Variants in OR9Q1 observed in about 807,000 individuals in gnomAD.
The protein encoded by OR9Q1 is olfactory receptor family 9 subfamily Q member 1.
For missense variants in OR9Q1, 374 were observed against 378.8 expected (o/e 0.99, Z 0.11); for synonymous variants, 153 against 148.6 (o/e 1.03, Z -0.22).
chr11:58,113,297 A>G (rs1853920109), intron 2 of OR9Q1, among the ~76,000 whole-genome samples: 1 of 152,182 alleles, frequency 6.6e-6, no homozygotes, highest in African/African-American at 2.4e-5. Flanking sequence ...AAGTCAGAAA[A>G]CATTCCCTCC....
At chr11:58,030,793 A>G (rs1853024274) in intron 1 of OR9Q1, 1 of 619,702 alleles carries the variant, frequency 1.6e-6, no homozygotes, top group Non-Finnish European at 2.9e-6. Context: ...CATGTCCCTC[A>G]TGAACTGTGA....
chr11:58,034,917 T>A (rs61903967), intron 1 of OR9Q1, among the ~76,000 whole-genome samples: 32,535 of 150,900 alleles, frequency 0.22, 4,067 homozygotes, highest in Middle Eastern at 0.38. Flanking sequence ...AACCTCCACC[T>A]CTTGGACTTA....
chr11:58,104,792 T>A (rs1853824478), intron 2 of OR9Q1, among the ~76,000 whole-genome samples: 1 of 152,182 alleles, frequency 6.6e-6, no homozygotes, highest in Non-Finnish European at 1.5e-5. Flanking sequence ...TTGAGGAGAT[T>A]GCATGTTCCG....
intron 2 of OR9Q1, among the ~76,000 whole-genome samples, chr11:58,153,747 C>T (rs971955906): frequency 6.6e-6 from 1 of 152,162 alleles, no homozygotes; most frequent in East Asian, 1.9e-4. Flanking sequence ...GACTATATGA[C>T]CTTTCAAACT....
At chr11:58,151,649 T>C (rs997724175) in intron 2 of OR9Q1, among the ~76,000 whole-genome samples, 4 of 152,188 alleles carry the variant, frequency 2.6e-5, no homozygotes, top group Admixed American at 1.3e-4. Flanking sequence ...TGGGTAAACA[T>C]AGGTCTAGTA....
chr11:58,030,065 C>T (rs534279962), intron 1 of OR9Q1, among the ~76,000 whole-genome samples: 4 of 152,146 alleles, frequency 2.6e-5, no homozygotes, highest in Non-Finnish European at 5.9e-5. Context: ...TGATCTTGAA[C>T]ACCCAACCTC....
intron 2 of OR9Q1, among the ~76,000 whole-genome samples, chr11:58,141,292 G>A (rs962039001): frequency 6.6e-6 from 1 of 152,142 alleles, no homozygotes; most frequent in Non-Finnish European, 1.5e-5. Context: ...TCCCTGTCTT[G>A]TGCCAGTTTT....
At chr11:58,156,290 C>T (rs1199968979) in intron 2 of OR9Q1, among the ~76,000 whole-genome samples, 1 of 152,124 alleles carries the variant, frequency 6.6e-6, no homozygotes, top group Non-Finnish European at 1.5e-5. Context: ...AAATAAAAAG[C>T]ACAAGCCTGT....
intron 2 of OR9Q1, among the ~76,000 whole-genome samples, chr11:58,122,101 C>T (rs962921650): frequency 1.3e-5 from 2 of 152,128 alleles, no homozygotes; most frequent in African/African-American, 4.8e-5. Context: ...GATGAGGCCC[C>T]ATCTCTAGAA....
intron 2 of OR9Q1, among the ~76,000 whole-genome samples, chr11:58,129,814 G>T (rs1250041496): frequency 6.6e-6 from 1 of 151,366 alleles, no homozygotes; most frequent in Non-Finnish European, 1.5e-5. Context: ...CTCTGTTGCT[G>T]CCTATTAGAA....
intron 2 of OR9Q1, among the ~76,000 whole-genome samples, chr11:58,098,206 G>A (rs979161123): frequency 2.0e-5 from 3 of 152,228 alleles, no homozygotes; most frequent in South Asian, 4.1e-4. Flanking sequence ...TTTTTATCCC[G>A]TCGTGGGGAT....
rs182921266 is a variant in OR9Q1 at position 58,096,673 on chromosome 11, C to T, written c.-15+40726C>T. ...GACTATAGGCCTGCACCATACACACCGGGCTAATTTTATTTTTTTGAGACA... is the reference window on the plus strand; with the variant it reads ...GACTATAGGCCTGCACCATACACACTGGGCTAATTTTATTTTTTTGAGACA... On this transcript the variant is annotated intron_variant, in intron 2 of 2. Coordinates refer to ENST00000335397, the MANE Select transcript of OR9Q1 (RefSeq NM_001005212.4). Among the ~76,000 whole-genome samples, 415 of 143,702 alleles carry T rather than the reference C, an allele frequency of 2.9e-3. 1 individual carries two copies. The highest frequency in any genetic ancestry group is 9.8e-3 in the African/African-American group (379 of 38,552). 94.3% of individuals were successfully genotyped at this position (143,702 alleles called of 152,430 possible).
intron 1 of OR9Q1, among the ~76,000 whole-genome samples, chr11:58,029,438 T>C (rs186120420): frequency 1.5e-3 from 222 of 152,278 alleles, no homozygotes; most frequent in African/African-American, 5.0e-3. Context: ...CTTATTCTGT[T>C]GTTAAGCAGT....
intron 2 of OR9Q1, chr11:58,171,450 A>C (rs1237704241): frequency 6.6e-6 from 1 of 152,214 alleles, no homozygotes; most frequent in East Asian, 1.9e-4. Context: ...TTCATCAGCA[A>C]GGCCATCTAA....
chr11:58,103,238 A>G (rs549968670), intron 2 of OR9Q1, among the ~76,000 whole-genome samples: 21 of 152,078 alleles, frequency 1.4e-4, no homozygotes, highest in Non-Finnish European at 2.6e-4. Context: ...AAGAGGAGGA[A>G]GCCCCTTATA....
intron 2 of OR9Q1, among the ~76,000 whole-genome samples, chr11:58,092,529 C>G (rs1853694300): frequency 1.3e-5 from 2 of 151,968 alleles, no homozygotes; most frequent in Admixed American, 1.3e-4. Context: ...AATATAAGTT[C>G]ATTCAATTAA....
At position 58,091,781 on chromosome 11, in the gene OR9Q1, C is replaced by T. The variant is rs570321456; in HGVS notation, c.-15+35834C>T. Among the ~76,000 whole-genome samples, 10 of 152,212 alleles carry T rather than the reference C, an allele frequency of 6.6e-5. No individual in the cohort carries two copies. The East Asian group carries it at 1.9e-3, about 29-fold the overall frequency. ...TATTACTGTATGAGAATCTAAGTCTCTTTGTATGTCTCTAAGACTTGTTTT... is the reference window on the plus strand; with the variant it reads ...TATTACTGTATGAGAATCTAAGTCTTTTTGTATGTCTCTAAGACTTGTTTT... On this transcript the variant is annotated intron_variant, in intron 2 of 2. Coordinates refer to ENST00000335397, the MANE Select transcript of OR9Q1 (RefSeq NM_001005212.4).
intron 2 of OR9Q1, among the ~76,000 whole-genome samples, chr11:58,108,217 C>T (rs1440471193): frequency 6.6e-6 from 1 of 152,140 alleles, no homozygotes; most frequent in Admixed American, 6.6e-5. Context: ...AGGTTCTTTT[C>T]ATTCACTTTA....
At chr11:58,154,814 G>A (rs147166413) in intron 2 of OR9Q1, among the ~76,000 whole-genome samples, 64 of 152,280 alleles carry the variant, frequency 4.2e-4, no homozygotes, top group Non-Finnish European at 8.5e-4. Context: ...AGGATTGAAT[G>A]TTGGCAGTTT....
Sources: gnomAD v4.1 joint callset for allele counts (sites outside exome capture counted in the v4.1 genomes callset) on GRCh38, gnomAD v4.1.1 for gene constraint, MANE v1.5 for transcripts, NCBI Gene and HGNC (gene_info 2026-07-23, HGNC 2026-07-21) for gene names.